Variants in RSRC1 observed in about 807,000 individuals in gnomAD.
RSRC1 encodes the protein serine/Arginine-related protein 53.
In RSRC1, 39 loss-of-function variants were observed where a neutral mutation model predicts 49.1. That is an observed-to-expected ratio of 0.79 (90% CI 0.61 to 1.04). The LOEUF is 1.04. Among genes scored for constraint, RSRC1 ranks in the 50% least tolerant of loss-of-function variants. The pLI is 0.00. For missense variants in RSRC1, 388 were observed against 402.4 expected (o/e 0.96, Z 0.31); for synonymous variants, 143 against 130.8 (o/e 1.09, Z -0.63).
At chr3:158,516,797 G>C (rs1740569092) in intron 7 of RSRC1, among the ~76,000 whole-genome samples, 1 of 152,322 alleles carries the variant, frequency 6.6e-6, no homozygotes, top group East Asian at 1.9e-4. Context: ...ATAATCTCCT[G>C]GTGCGCTATT....
At chr3:158,193,511 A>T (rs112020940) in intron 3 of RSRC1, among the ~76,000 whole-genome samples, 2 of 152,120 alleles carry the variant, frequency 1.3e-5, no homozygotes, top group Non-Finnish European at 2.9e-5. Flanking sequence ...AATTGCCAGA[A>T]TCATATTTTG....
intron 7 of RSRC1, among the ~76,000 whole-genome samples, chr3:158,471,489 A>G (rs891421015): frequency 1.3e-5 from 2 of 152,172 alleles, no homozygotes. Flanking sequence ...AGAGAAGGAG[A>G]GATCAGGGTA....
intron 5 of RSRC1, among the ~76,000 whole-genome samples, chr3:158,307,184 T>A (rs1727885279): frequency 2.0e-5 from 3 of 151,716 alleles, no homozygotes; most frequent in Non-Finnish European, 3.0e-5. Flanking sequence ...TAAGGAAAAA[T>A]TACTTTTGTT....
chr3:158,374,171 T>C (rs1015086485), intron 6 of RSRC1, among the ~76,000 whole-genome samples: 2 of 152,124 alleles, frequency 1.3e-5, no homozygotes, highest in Admixed American at 1.3e-4. Flanking sequence ...GATATTTTTT[T>C]CTTTGGTTCC....
chr3:158,111,754 T>C (rs1714425117), intron 1 of RSRC1, among the ~76,000 whole-genome samples: 1 of 152,226 alleles, frequency 6.6e-6, no homozygotes, highest in Non-Finnish European at 1.5e-5. Flanking sequence ...TTTGATATAC[T>C]GAGTGAGTAG....
Position 158,223,896 on chromosome 3 carries a change from T to A in RSRC1, c.494+20651T>A, listed in dbSNP as rs991774787. 2.0e-5 allele frequency among the ~76,000 whole-genome samples: 3 copies of A among 151,712 alleles called. No homozygotes were observed. The East Asian group carries it at 5.8e-4, about 29-fold the overall frequency. The stretch of plus-strand genomic sequence containing the variant: ...TGTATATGGTTCTCATTCTCATTAT[T>A]TAGTTTTTACTTCAAGTGTAATCTT... On this transcript the variant is annotated intron_variant, in intron 4 of 9. Coordinates refer to ENST00000611884, the MANE Select transcript of RSRC1 (RefSeq NM_001271838.2).
chr3:158,129,007 CT>C (rs200760347), intron 3 of RSRC1, among the ~76,000 whole-genome samples: 3,855 of 152,190 alleles, frequency 0.025, 145 homozygotes, highest in African/African-American at 0.089. Flanking sequence ...TGGTGTTAAC[CT>C]TGATCGTGTA....
chr3:158,267,006 C>A, intron 4 of RSRC1, among the ~76,000 whole-genome samples: 1 of 152,188 alleles, frequency 6.6e-6, no homozygotes, highest in East Asian at 1.9e-4. Context: ...TCAAGTGATC[C>A]ATCTGCCTTG....
At chr3:158,396,685 A>G (rs1733630333) in intron 6 of RSRC1, among the ~76,000 whole-genome samples, 1 of 152,122 alleles carries the variant, frequency 6.6e-6, no homozygotes, top group African/African-American at 2.4e-5. Flanking sequence ...GTAGGATAGT[A>G]AAATTGAGTT....
At chr3:158,379,836 A>ACACACACACACACACC (rs1027981758) in intron 6 of RSRC1, among the ~76,000 whole-genome samples, 23 of 143,958 alleles carry the variant, frequency 1.6e-4, no homozygotes, top group African/African-American at 6.0e-4. Flanking sequence ...ACACACACAC[A>ACACACACACACACACC]CCCTCCCTCC....
rs557582046 is a variant in RSRC1, at chr3:158,182,562, T to G, written c.321-20510T>G. ...ACTCAGGCCCAAACATAGTACTTAT[T>G]GCAGCCTTAGGTTTCCTTAAACTCT... is the stretch of plus-strand genomic sequence containing the variant. On this transcript the variant is annotated intron_variant, in intron 3 of 9. Transcript: ENST00000611884. Among the ~76,000 whole-genome samples the G allele has an allele frequency of 1.9e-4, 29 of 152,300 alleles. No individual in the cohort carries two copies. In the South Asian group the frequency reaches 5.2e-3, roughly 27 times the overall value.
At chr3:158,235,445 C>G (rs1383378937) in intron 4 of RSRC1, among the ~76,000 whole-genome samples, 2 of 151,966 alleles carry the variant, frequency 1.3e-5, no homozygotes, top group Non-Finnish European at 2.9e-5. Context: ...ATATGTGTTA[C>G]TAGGAAAGAA....
At chr3:158,112,067 T>A (rs1435023834) in intron 1 of RSRC1, among the ~76,000 whole-genome samples, 1 of 152,312 alleles carries the variant, frequency 6.6e-6, no homozygotes, top group Non-Finnish European at 1.5e-5. Flanking sequence ...ACCACGAGGC[T>A]ACAACCAGGA....
At chr3:158,530,293 G>A (rs549492223) in intron 7 of RSRC1, among the ~76,000 whole-genome samples, 18 of 151,746 alleles carry the variant, frequency 1.2e-4, no homozygotes, top group African/African-American at 3.6e-4. Context: ...CTTCCCTATC[G>A]CTGTGTGGAG....
At chr3:158,332,237 AT>A (rs1295329810) in intron 5 of RSRC1, among the ~76,000 whole-genome samples, 1 of 152,134 alleles carries the variant, frequency 6.6e-6, no homozygotes, top group African/African-American at 2.4e-5. Flanking sequence ...AACAACACCC[AT>A]AGTTTTGGAC....
chr3:158,259,676 C>T lies in RSRC1; in HGVS notation c.495-38363C>T, dbSNP rs144035890. Among the ~76,000 whole-genome samples, 343 of 152,282 alleles carry T rather than the reference C, an allele frequency of 2.3e-3. 5 individuals are homozygous for T. The highest frequency in any genetic ancestry group is 0.012 in the Admixed American group (184 of 15,300). On this transcript the variant is annotated intron_variant, in intron 4 of 9. Coordinates refer to ENST00000611884, the MANE Select transcript of RSRC1 (RefSeq NM_001271838.2). ...CTTCTTTTCAGGGCAGCGAGTTCCC[C>T]CCAGCCCCAGGCAGGTCCAGAGATG... is the stretch of plus-strand genomic sequence containing the variant.
chr3:158,359,770 T>A (rs1447636648), intron 6 of RSRC1, among the ~76,000 whole-genome samples: 4 of 152,206 alleles, frequency 2.6e-5, no homozygotes, highest in African/African-American at 9.7e-5. Flanking sequence ...CTGTTTGTGT[T>A]ATAGCTCTTT....
At position 158,511,292 on chromosome 3, in the gene RSRC1, T is replaced by C. The variant is rs191517505; in HGVS notation, c.653-25800T>C. Among the ~76,000 whole-genome samples the C allele has an allele frequency of 5.0e-4, 76 of 152,164 alleles. 1 individual carries two copies. The highest frequency in any genetic ancestry group is 6.8e-3 in the Middle Eastern group (2 of 294). On this transcript the variant is annotated intron_variant, in intron 7 of 9. Coordinates refer to ENST00000611884, the MANE Select transcript of RSRC1 (RefSeq NM_001271838.2). ...CCACAGCAGTCCCCAGAGTGTGATG[T>C]TCCCCTTCCTGTGTCCATGTGTTCT...
intron 6 of RSRC1, among the ~76,000 whole-genome samples, chr3:158,458,791 T>C (rs1737475071): frequency 6.6e-6 from 1 of 152,160 alleles, no homozygotes; most frequent in Non-Finnish European, 1.5e-5. Context: ...GTTTGTAAAA[T>C]GGGATTGCCA....
Sources: gnomAD v4.1 joint callset for allele counts (sites outside exome capture counted in the v4.1 genomes callset) on GRCh38, gnomAD v4.1.1 for gene constraint, MANE v1.5 for transcripts, NCBI Gene and HGNC (gene_info 2026-07-23, HGNC 2026-07-21) for gene names.